RICTOR: variants seen among roughly 807,000 people sequenced by gnomAD.
RICTOR encodes the protein RPTOR independent companion of MTOR complex 2.
Under a neutral mutation model 214.9 loss-of-function variants are expected in RICTOR, and 49 were observed. That is an observed-to-expected ratio of 0.23 (90% CI 0.18 to 0.29). The LOEUF (loss-of-function observed/expected upper bound fraction) is 0.29. Ranked by LOEUF, RICTOR falls within the 10% of genes least tolerant of loss-of-function variation. The pLI, the probability that RICTOR is intolerant of heterozygous loss-of-function variation, is 1.00. For missense variants in RICTOR, 1,625 were observed against 2,047.0 expected (o/e 0.79, Z 3.98); for synonymous variants, 717 against 711.3 (o/e 1.01, Z -0.13).
At chr5:39,043,663 C>G (rs1757311094) in intron 2 of RICTOR, among the ~76,000 whole-genome samples, 2 of 152,160 alleles carry the variant, frequency 1.3e-5, no homozygotes, top group Admixed American at 1.3e-4. Flanking sequence ...TTGCTATGGT[C>G]TGAATGTCCC....
chr5:38,960,458 C>T lies in RICTOR; in HGVS notation c.1791G>A (p.Lys597=), dbSNP rs1236853976. Residue 597 remains lysine (K), a synonymous_variant, in exon 20 of 38, where the codon AAG becomes AAA. Transcript: ENST00000357387. The part of the protein sequence containing the change: ...LYANLDLDFA[K]AKQLTVVGCQ... ...AACCTACAACCGTGAGCTGTTTGGC[C>T]TTGGCAAAATCCAGATCCAGGTTGG... 3 of 1,613,780 alleles carry T rather than the reference C, an allele frequency of 1.9e-6. No individual in the cohort carries two copies. In the African/African-American group the frequency reaches 4.0e-5, roughly 22 times the overall value.
chr5:39,015,216 T>C (rs2150127168), intron 3 of RICTOR, among the ~76,000 whole-genome samples: 1 of 152,280 alleles, frequency 6.6e-6, no homozygotes, highest in Non-Finnish European at 1.5e-5. Flanking sequence ...TTATTTTTCT[T>C]ATTTTCTTAT....
intron 2 of RICTOR, among the ~76,000 whole-genome samples, chr5:39,066,001 AGGCAGTGCCCCACTG>A (rs1328925338): frequency 7.9e-5 from 12 of 152,356 alleles, no homozygotes; most frequent in African/African-American, 2.9e-4. Flanking sequence ...CAGCTCCACT[AGGCAGTGCCCCACTG>A]GGGACTCTGG....
chr5:38,962,403 A>G, intron 18 of RICTOR, 42 bp from the exon 19 acceptor site: 1 of 1,156,652 alleles, frequency 8.6e-7, no homozygotes, highest in African/African-American at 1.6e-5. Context: ...GTACTTATCA[A>G]TTCTCACACA....
In RICTOR at chr5:38,949,703, T is replaced by C; in HGVS notation, c.4136+9A>G. The C allele has an allele frequency of 6.2e-7, 1 of 1,607,500 alleles. No individual in the cohort carries two copies. Among genetic ancestry groups the C allele is most frequent in the Non-Finnish European group, 8.5e-7 (1 of 1,175,976 alleles). On this transcript the variant is annotated intron_variant, in intron 31 of 37. Coordinates refer to ENST00000357387, the MANE Select transcript of RICTOR (RefSeq NM_152756.5). ...ATTATTGGTCACTTCTAAACATATA[T>C]TTGCTTACCTGCTTGGTGTTAATCT... is the stretch of plus-strand genomic sequence containing the variant.
At chr5:39,057,846 T>C (rs1036460828) in intron 2 of RICTOR, among the ~76,000 whole-genome samples, 5 of 152,126 alleles carry the variant, frequency 3.3e-5, no homozygotes, top group Non-Finnish European at 7.4e-5. Context: ...AAAAATTTAA[T>C]ACACTTCAAG....
rs902436518 is a variant in RICTOR, at chr5:39,050,552, G to C, written c.97+23559C>G. ...AGGTTTCACCACGTTTCCCAGGCTG[G>C]TCTCAAACTCCTGAGCTCAGGCAAT... On this transcript the variant is annotated intron_variant, in intron 2 of 37. Transcript: ENST00000357387. Among the ~76,000 whole-genome samples the C allele has an allele frequency of 9.7e-4, 148 of 152,118 alleles. 2 individuals are homozygous for C. The highest frequency in any genetic ancestry group is 9.6e-3 in the Admixed American group (147 of 15,284).
chr5:38,949,449 T>TA (rs754515136), intron 31 of RICTOR: 33 of 1,565,072 alleles, frequency 2.1e-5, no homozygotes, highest in South Asian at 7.1e-5. Flanking sequence ...GAGAAATAAA[T>TA]AAAAAAAAGC....
chr5:38,973,643 C>G (rs1750968322), intron 10 of RICTOR, among the ~76,000 whole-genome samples: 3 of 152,134 alleles, frequency 2.0e-5, no homozygotes, highest in Admixed American at 2.0e-4. Flanking sequence ...TCTTTAGATT[C>G]AGGATCAAAA....
intron 25 of RICTOR, 45 bp downstream of exon 25, chr5:38,957,607 A>G (rs1161737386): frequency 1.0e-6 from 1 of 998,174 alleles, no homozygotes; most frequent in Admixed American, 2.2e-5. Flanking sequence ...TCAATTTCAG[A>G]AGATAAAAAC....
At position 38,967,231 on chromosome 5, in the gene RICTOR, G is replaced by GA. The variant is rs775069448; in HGVS notation, c.1152-5dup. On this transcript the variant is annotated splice_polypyrimidine_tract_variant and splice_region_variant and intron_variant, in intron 13 of 37. Coordinates refer to ENST00000357387, the MANE Select transcript of RICTOR (RefSeq NM_152756.5). ...ATAATTATCCATGAGGTCTGGCCTG[G>GA]AAAAAACAGCACAGAAACAATTTAA... is the stretch of plus-strand genomic sequence containing the variant. The GA allele has an allele frequency of 1.2e-6, 2 of 1,611,678 alleles. No homozygotes were observed. Among genetic ancestry groups the GA allele is most frequent in the South Asian group, 1.1e-5 (1 of 90,972 alleles).
At chr5:39,060,468 A>G (rs1443407485) in intron 2 of RICTOR, among the ~76,000 whole-genome samples, 1 of 152,088 alleles carries the variant, frequency 6.6e-6, no homozygotes, top group Non-Finnish European at 1.5e-5. Flanking sequence ...TGACAGCTGA[A>G]AGAAACGTAG....
chr5:39,050,788 G>A (rs1288893452), intron 2 of RICTOR, among the ~76,000 whole-genome samples: 3 of 152,070 alleles, frequency 2.0e-5, no homozygotes, highest in Admixed American at 6.6e-5. Context: ...TGAGGGAAGT[G>A]GGAGAATATA....
At chr5:39,070,658 T>C (rs1015154839) in intron 2 of RICTOR, among the ~76,000 whole-genome samples, 1 of 152,192 alleles carries the variant, frequency 6.6e-6, no homozygotes, top group African/African-American at 2.4e-5. Context: ...AATAATTATA[T>C]TTGAACTAGT....
At chr5:38,984,077 G>C (rs1327259026) in intron 7 of RICTOR, among the ~76,000 whole-genome samples, 2 of 151,900 alleles carry the variant, frequency 1.3e-5, no homozygotes, top group Non-Finnish European at 2.9e-5. Context: ...AAAAGTACCT[G>C]GATGAGTTTT....
rs1172100924 is a variant in RICTOR at position 39,041,820 on chromosome 5, G to C, written c.98-20684C>G. Among the ~76,000 whole-genome samples, 8 of 151,732 alleles carry C rather than the reference G, an allele frequency of 5.3e-5. No individual in the cohort carries two copies. The East Asian group carries it at 1.6e-3, about 29-fold the overall frequency. On this transcript the variant is annotated intron_variant, in intron 2 of 37. Coordinates refer to ENST00000357387, the MANE Select transcript of RICTOR (RefSeq NM_152756.5). ...ACATCAAAAACACTTATATTAGTCA[G>C]GCATGGCTACTCCAGAGGCTGATAG... is the stretch of plus-strand genomic sequence containing the variant.
At chr5:39,014,188 G>A (rs945517209) in intron 3 of RICTOR, among the ~76,000 whole-genome samples, 7 of 152,062 alleles carry the variant, frequency 4.6e-5, no homozygotes, top group African/African-American at 9.7e-5. Flanking sequence ...ATCACCTAAC[G>A]ATGCATTCCT....
Position 38,944,583 on chromosome 5 carries a change from A to C in RICTOR, c.4790-14T>G, listed in dbSNP as rs745596936. On this transcript the variant is annotated splice_polypyrimidine_tract_variant and intron_variant, in intron 35 of 37. Coordinates refer to ENST00000357387, the MANE Select transcript of RICTOR (RefSeq NM_152756.5). Reference sequence around the variant, plus strand: ...TTGTTTTAACACCTGAAAAGATTTCAGGGAGAAGTTAAATATTATCTATGT... The same window carrying C: ...TTGTTTTAACACCTGAAAAGATTTCCGGGAGAAGTTAAATATTATCTATGT... 5.1e-6 allele frequency: 8 copies of C among 1,572,298 alleles called. No individual in the cohort carries two copies. Among genetic ancestry groups the C allele is most frequent in the Non-Finnish European group, 4.3e-6 (5 of 1,162,510 alleles).
At chr5:39,023,472 C>A (rs1250627564) in intron 2 of RICTOR, among the ~76,000 whole-genome samples, 1 of 152,186 alleles carries the variant, frequency 6.6e-6, no homozygotes, top group South Asian at 2.1e-4. Flanking sequence ...AGCCATGGGC[C>A]AGATATGGCC....
Sources: allele counts gnomAD v4.1 joint callset (sites outside exome capture counted in the v4.1 genomes callset), GRCh38; gene constraint gnomAD v4.1.1; transcripts MANE v1.5; gene names NCBI Gene and HGNC (gene_info 2026-07-23, HGNC 2026-07-21).